SKAP1: variants seen among roughly 807,000 people sequenced by gnomAD.
The protein encoded by SKAP1 is src kinase-associated phosphoprotein 1.
A neutral mutation model predicts 58.5 loss-of-function variants in SKAP1; 44 were observed. That is an observed-to-expected ratio of 0.75 (90% CI 0.59 to 0.97). The LOEUF (loss-of-function observed/expected upper bound fraction) is 0.97. Among genes scored for constraint, SKAP1 ranks in the 50% least tolerant of loss-of-function variants. The probability of loss-of-function intolerance (pLI) is 0.00; values close to 1 mark genes in which losing one functional copy is unlikely to be tolerated. For synonymous variants in SKAP1, 127 were observed against 149.7 expected, an observed-to-expected ratio of 0.85 and a Z score of 1.11; for missense variants, 390 against 435.2, an observed-to-expected ratio of 0.90 and a Z score of 0.92.
intron 4 of SKAP1, among the ~76,000 whole-genome samples, chr17:48,321,497 C>A (rs968085725): frequency 1.3e-5 from 2 of 151,814 alleles, no homozygotes; most frequent in African/African-American, 2.4e-5. Flanking sequence ...CCTGCCTCAG[C>A]CTCCCAAGTA....
chr17:48,135,181 G>A (rs1301101247), intron 12 of SKAP1, among the ~76,000 whole-genome samples: 1 of 152,220 alleles, frequency 6.6e-6, no homozygotes, highest in African/African-American at 2.4e-5. Context: ...TCCTAAATGA[G>A]TTCACTCAGC....
At chr17:48,413,698 C>T (rs1181154116) in intron 1 of SKAP1, among the ~76,000 whole-genome samples, 4 of 151,568 alleles carry the variant, frequency 2.6e-5, no homozygotes, top group South Asian at 2.1e-4. Flanking sequence ...GGTCATTATT[C>T]TATCTGGTGG....
At chr17:48,431,332 A>G (rs138937686), upstream of SKAP1, among the ~76,000 whole-genome samples, 1 of 152,330 alleles carries the variant, frequency 6.6e-6, no homozygotes, top group African/African-American at 2.4e-5. Flanking sequence ...GAAAATAAAA[A>G]GAAGTGCCAG....
rs1598609161 is a variant in SKAP1 at position 48,357,543 on chromosome 17, T to G, written c.178+6246A>C. Among the ~76,000 whole-genome samples the G allele has an allele frequency of 1.4e-4, 21 of 152,154 alleles. No homozygotes were observed. The South Asian group carries it at 4.4e-3, about 32-fold the overall frequency. On this transcript the variant is annotated intron_variant, in intron 3 of 12. Coordinates refer to ENST00000336915, the MANE Select transcript of SKAP1 (RefSeq NM_003726.4). ...TGCTCGGGAGGCTGAGGCAGGAGAA[T>G]TGCTTGAACCCAGGAGGCAGAGCTT...
chr17:48,288,669 A>G (rs1042930501), intron 4 of SKAP1, among the ~76,000 whole-genome samples: 2 of 152,170 alleles, frequency 1.3e-5, no homozygotes, highest in African/African-American at 4.8e-5. Flanking sequence ...CTGGGCGACA[A>G]AGTGAGACCA....
intron 1 of SKAP1, among the ~76,000 whole-genome samples, chr17:48,411,011 A>G (rs2067656880): frequency 6.6e-6 from 1 of 151,958 alleles, no homozygotes; most frequent in South Asian, 2.1e-4. Context: ...AACTGGAACA[A>G]TTTCCACAAC....
At chr17:48,278,120 T>C (rs1233049999) in intron 4 of SKAP1, among the ~76,000 whole-genome samples, 2 of 152,226 alleles carry the variant, frequency 1.3e-5, no homozygotes, top group African/African-American at 2.4e-5. Context: ...ATAGTCACTG[T>C]CATTACAAAG....
chr17:48,235,501 A>C (rs1412957796), intron 4 of SKAP1, among the ~76,000 whole-genome samples: 5 of 152,222 alleles, frequency 3.3e-5, no homozygotes, highest in Non-Finnish European at 7.3e-5. Context: ...CTGCAGAACA[A>C]GATCAACTAC....
At chr17:48,341,255 T>G (rs989280515) in intron 4 of SKAP1, among the ~76,000 whole-genome samples, 2 of 152,208 alleles carry the variant, frequency 1.3e-5, no homozygotes, top group Non-Finnish European at 2.9e-5. Flanking sequence ...CCATGAAATT[T>G]AAGACAAACT....
At chr17:48,264,183 A>C (rs533109426) in intron 4 of SKAP1, among the ~76,000 whole-genome samples, 90 of 149,216 alleles carry the variant, frequency 6.0e-4, no homozygotes, top group African/African-American at 2.2e-3. Flanking sequence ...AAAGCATTTG[A>C]TATCTAGCTT....
Position 48,263,617 on chromosome 17 carries a change from G to C in SKAP1, c.281-74117C>G, listed in dbSNP as rs145079821. 4.5e-3 allele frequency among the ~76,000 whole-genome samples: 681 copies of C among 152,222 alleles called. 4 individuals carry two copies. The highest frequency in any genetic ancestry group is 0.015 in the African/African-American group (641 of 41,528). On this transcript the variant is annotated intron_variant, in intron 4 of 12. Coordinates refer to ENST00000336915, the MANE Select transcript of SKAP1 (RefSeq NM_003726.4). Reference sequence around the variant, plus strand: ...CTGTATACTTTAGCCAAGCTAACCTGAGCAAATGCTGAATGGTGGGCACTG... The same window carrying C: ...CTGTATACTTTAGCCAAGCTAACCTCAGCAAATGCTGAATGGTGGGCACTG...
intron 11 of SKAP1, among the ~76,000 whole-genome samples, chr17:48,138,665 T>C (rs2063732264): frequency 6.6e-6 from 1 of 151,746 alleles, no homozygotes; most frequent in Non-Finnish European, 1.5e-5. Context: ...CCACTGCGCC[T>C]GGCCACAACT....
At chr17:48,144,331 A>G (rs1165941208) in intron 11 of SKAP1, among the ~76,000 whole-genome samples, 1 of 152,144 alleles carries the variant, frequency 6.6e-6, no homozygotes, top group Non-Finnish European at 1.5e-5. Context: ...TACCACCCCC[A>G]TGCGTTGCTC....
intron 2 of SKAP1, among the ~76,000 whole-genome samples, chr17:48,382,206 G>C (rs943463928): frequency 6.6e-6 from 1 of 151,764 alleles, no homozygotes; most frequent in South Asian, 2.1e-4. Flanking sequence ...ACCCACATGG[G>C]GGGAGGGGAA....
intron 11 of SKAP1, among the ~76,000 whole-genome samples, chr17:48,143,181 T>A (rs1336287992): frequency 6.8e-6 from 1 of 148,044 alleles, no homozygotes; most frequent in Non-Finnish European, 1.5e-5. Context: ...TTACCTATAA[T>A]TCTTTAGCTT....
intron 4 of SKAP1, among the ~76,000 whole-genome samples, chr17:48,303,306 G>A (rs902783661): frequency 6.6e-6 from 1 of 152,188 alleles, no homozygotes; most frequent in African/African-American, 2.4e-5. Context: ...CCTGGTCACA[G>A]TATGGTTTTC....
At chr17:48,168,911 A>G (rs2064175438) in intron 10 of SKAP1, among the ~76,000 whole-genome samples, 1 of 152,194 alleles carries the variant, frequency 6.6e-6, no homozygotes, top group Admixed American at 6.5e-5. Context: ...TATAAAATCA[A>G]TCGATAAATA....
chr17:48,371,065 G>A (rs1031283407), intron 2 of SKAP1, among the ~76,000 whole-genome samples: 1 of 152,088 alleles, frequency 6.6e-6, no homozygotes, highest in Admixed American at 6.5e-5. Flanking sequence ...ACTTATAAGC[G>A]GGAGCTAAAC....
At chr17:48,292,143 A>G (rs952170824) in intron 4 of SKAP1, among the ~76,000 whole-genome samples, 3 of 150,170 alleles carry the variant, frequency 2.0e-5, no homozygotes, top group African/African-American at 4.9e-5. Flanking sequence ...AAAAAAAAAA[A>G]AAAGAAAGAA....
Sources: allele counts gnomAD v4.1 joint callset (sites outside exome capture counted in the v4.1 genomes callset), GRCh38; gene constraint gnomAD v4.1.1; transcripts MANE v1.5; gene names NCBI Gene and HGNC (gene_info 2026-07-23, HGNC 2026-07-21).